Variants in CLDN1 observed in about 807,000 individuals in gnomAD.
The protein encoded by CLDN1 is claudin 1.
CLDN1 carries 12 observed loss-of-function variants against 22.6 expected under a neutral mutation model. The ratio of observed to expected loss-of-function variants is 0.53; its 90% CI spans 0.34 to 0.86. The LOEUF (loss-of-function observed/expected upper bound fraction) is 0.86, where lower values mean the gene tolerates loss of function less well. Ranked by LOEUF, CLDN1 falls within the 40% of genes least tolerant of loss-of-function variation. The pLI is 0.02. For synonymous variants in CLDN1, 99 were observed against 103.8 expected, an observed-to-expected ratio of 0.95 and a Z score of 0.28; for missense variants, 250 against 269.5, an observed-to-expected ratio of 0.93 and a Z score of 0.51.
Position 190,312,185 on chromosome 3 carries a change from C to G in CLDN1, c.388+687G>C, listed in dbSNP as rs548836153. Among the ~76,000 whole-genome samples, 8 of 152,088 alleles carry G rather than the reference C, an allele frequency of 5.3e-5. No homozygotes were observed. In the South Asian group the frequency reaches 1.5e-3, roughly 28 times the overall value. ...ACCTCAGGTGATCCGCCCTCCTCAG[C>G]CTCCAAAAGTGCTGGGATTACAGGC... On this transcript the variant is annotated intron_variant, in intron 2 of 3. Transcript: ENST00000295522.
chr3:190,316,562 T>C lies in CLDN1; in HGVS notation c.224-3526A>G, dbSNP rs116163048. 4.2e-3 allele frequency among the ~76,000 whole-genome samples: 646 copies of C among 152,288 alleles called. 4 individuals carry two copies. Among genetic ancestry groups the C allele is most frequent in the African/African-American group, 0.015 (625 of 41,546 alleles). On this transcript the variant is annotated intron_variant, in intron 1 of 3. Coordinates refer to ENST00000295522, the MANE Select transcript of CLDN1 (RefSeq NM_021101.5). ...GTTTTATGTGCAGATCAAATCTAAA[T>C]TGCACAGTTTTAAGCCGGAAACAGA...
At position 190,310,185 on chromosome 3, in the gene CLDN1, T is replaced by A; in HGVS notation, c.457A>T (p.Thr153Ser). ...RIVQEFYDPMTPVNARYEFGQ... is the reference protein window; with the variant it reads ...RIVQEFYDPMSPVNARYEFGQ... Reference sequence around the variant, plus strand: ...TAGCGTTACCTGGCATTGACTGGGGTCATAGGGTCATAGAATTCTTGAACG... The same window carrying A: ...TAGCGTTACCTGGCATTGACTGGGGACATAGGGTCATAGAATTCTTGAACG... The change falls in exon 3 of 4, where the codon ACC (threonine) becomes TCC (serine). Residue 153 changes from threonine to serine, a missense_variant. Physicochemically the swap from Thr to Ser is moderately conservative, Grantham distance 58. Transcript: ENST00000295522. 1 of 1,613,730 alleles carries A rather than the reference T, an allele frequency of 6.2e-7. No homozygotes were observed. Among genetic ancestry groups the A allele is most frequent in the Non-Finnish European group, 8.5e-7 (1 of 1,179,698 alleles).
chr3:190,322,336 G>T lies in CLDN1; in HGVS notation c.-130C>A, dbSNP rs549996028. 1.2e-6 allele frequency: 1 copy of T among 831,782 alleles called. No individual in the cohort carries two copies. The highest frequency in any genetic ancestry group is 2.0e-6 in the Non-Finnish European group (1 of 510,364). The allele number at this position is 831,782 out of a possible 1,614,324, so 51.5% of individuals were successfully genotyped here. A position where few individuals can be genotyped will look rare whatever the true frequency, so the allele number is the denominator to read the frequency against. On this transcript the variant is annotated 5_prime_UTR_variant, in exon 1 of 4. Coordinates refer to ENST00000295522, the MANE Select transcript of CLDN1 (RefSeq NM_021101.5). ...GAAGTTAAGGCGGGGAGCCCTGCTC[G>T]CTGCGCCGCCGCTGGAGAAGCTCTG...
rs757271518 is a variant in CLDN1, at chr3:190,312,905, C to T, written c.355G>A (p.Ala119Thr). Residue 119 changes from alanine (A) to threonine (T), a missense_variant, in exon 2 of 4, where the codon GCT becomes ACT. Ala to Thr is a moderately conservative substitution (Grantham distance 58, BLOSUM62 0). Transcript: ENST00000295522. Reference protein sequence around the residue: ...EDDEVQKMRMAVIGGAIFLLA... With the variant: ...EDDEVQKMRMTVIGGAIFLLA... The stretch of plus-strand genomic sequence containing the variant: ...AGAAATATCGCACCCCCAATGACAG[C>T]CATCCTCATCTTCTGCACCTCATCG... 1 of 1,614,176 alleles carries T rather than the reference C, an allele frequency of 6.2e-7. No homozygotes were observed. Among genetic ancestry groups the T allele is most frequent in the Admixed American group, 1.7e-5 (1 of 60,030 alleles).
At chr3:190,315,691 C>T (rs1487654449) in intron 1 of CLDN1, among the ~76,000 whole-genome samples, 4 of 152,024 alleles carry the variant, frequency 2.6e-5, no homozygotes, top group Non-Finnish European at 5.9e-5. Flanking sequence ...GATCTTGCTC[C>T]AAGTTTTTCT....
Position 190,322,173 on chromosome 3 carries a change from T to G in CLDN1, c.34A>C (p.Ile12Leu). 1 of 1,614,058 alleles carries G rather than the reference T, an allele frequency of 6.2e-7. No homozygotes were observed. The highest frequency in any genetic ancestry group is 8.5e-7 in the Non-Finnish European group (1 of 1,180,042). Residue 12 changes from isoleucine (I) to leucine (L), a missense_variant, in exon 1 of 4, where the codon ATT (isoleucine) becomes CTT (leucine). Coordinates refer to ENST00000295522, the MANE Select transcript of CLDN1 (RefSeq NM_021101.5). ...ANAGLQLLGF[I>L]LAFLGWIGAI... ...CCGATCCATCCCAGGAAGGCGAGAA[T>G]GAAGCCCAACAGCTGCAGCCCCGCG...
Position 190,322,220 on chromosome 3 carries a change from G to T in CLDN1, c.-14C>A. 1.9e-6 allele frequency: 3 copies of T among 1,611,790 alleles called. No individual in the cohort carries two copies. Among genetic ancestry groups the T allele is most frequent in the Non-Finnish European group, 2.5e-6 (3 of 1,179,048 alleles). On this transcript the variant is annotated 5_prime_UTR_variant, in exon 1 of 4. Transcript: ENST00000295522. ...CGCGTTGGCCATGACTCGCTCGGGC[G>T]CCCGCGCTGGCTCAGGGGTGGCAGG... is the stretch of plus-strand genomic sequence containing the variant.
Position 190,306,272 on chromosome 3 carries a change from C to G in CLDN1, c.*2005G>C, listed in dbSNP as rs1716449005. 6.6e-6 allele frequency: 1 copy of G among 152,186 alleles called. No homozygotes were observed. The highest frequency in any genetic ancestry group is 2.1e-4 in the South Asian group (1 of 4,834). The allele number at this position is 152,186 out of a possible 1,614,324, so 9.4% of individuals were successfully genotyped here. A position where few individuals can be genotyped will look rare whatever the true frequency, so the allele number is the denominator to read the frequency against. On this transcript the variant is annotated 3_prime_UTR_variant, in exon 4 of 4. Transcript: ENST00000295522. ...CTGTTTAGCCACAGAAAGCATCGGG[C>G]CATACTCACTGCAGAAGATAAGACT...
intron 3 of CLDN1, among the ~76,000 whole-genome samples, chr3:190,309,566 G>C (rs1452609689): frequency 6.6e-6 from 1 of 152,176 alleles, no homozygotes; most frequent in East Asian, 1.9e-4. Context: ...ATTAAAGAAT[G>C]TTGTTACACG....
rs1716445714 is a variant in CLDN1, at chr3:190,306,194, T to G, written c.*2083A>C. On this transcript the variant is annotated 3_prime_UTR_variant, in exon 4 of 4. Transcript: ENST00000295522. The stretch of plus-strand genomic sequence containing the variant: ...TATGAGTTATTATGATTCAAAAATC[T>G]CCCTTGCTGTTGGATTTACCAACAC... 6.6e-6 allele frequency: 1 copy of G among 152,204 alleles called. No individual in the cohort carries two copies. The highest frequency in any genetic ancestry group is 1.5e-5 in the Non-Finnish European group (1 of 68,032). 9.4% of individuals were successfully genotyped at this position (152,204 alleles called of 1,614,324 possible).
Position 190,310,175 on chromosome 3 carries a change from T to G in CLDN1, c.467A>C (p.Asn156Thr). 6.2e-7 allele frequency: 1 copy of G among 1,613,538 alleles called. No homozygotes were observed. Among genetic ancestry groups the G allele is most frequent in the Non-Finnish European group, 8.5e-7 (1 of 1,179,520 alleles). ...TACGCCTGAATAGCGTTACCTGGCA[T>G]TGACTGGGGTCATAGGGTCATAGAA... ...QEFYDPMTPV[N>T]ARYEFGQALF... Residue 156 changes from asparagine (N) to threonine (T), a missense_variant, in exon 3 of 4, where the codon AAT becomes ACT. Transcript: ENST00000295522.
In CLDN1 at chr3:190,322,282, A is replaced by C; in HGVS notation, c.-76T>G. On this transcript the variant is annotated 5_prime_UTR_variant, in exon 1 of 4. Coordinates refer to ENST00000295522, the MANE Select transcript of CLDN1 (RefSeq NM_021101.5). ...GAGAGTTTGCAGGTGGGCAACCCGG[A>C]CTCCCGAAGGTGGCTGGGCCCCGCG... 2 of 1,328,388 alleles carry C rather than the reference A, an allele frequency of 1.5e-6. No individual in the cohort carries two copies. The highest frequency in any genetic ancestry group is 2.4e-5 in the East Asian group (1 of 41,772). The allele number at this position is 1,328,388 out of a possible 1,614,324, so 82.3% of individuals were successfully genotyped here.
At chr3:190,314,359 A>G (rs909281268) in intron 1 of CLDN1, among the ~76,000 whole-genome samples, 4 of 152,160 alleles carry the variant, frequency 2.6e-5, no homozygotes, top group South Asian at 2.1e-4. Flanking sequence ...TGTCTTTGCT[A>G]TAACCAGGCA....
At chr3:190,313,274 C>G (rs1489375975) in intron 1 of CLDN1, 6 of 513,742 alleles carry the variant, frequency 1.2e-5, no homozygotes, top group Non-Finnish European at 2.1e-5. Context: ...TTTTATGTTT[C>G]CAACATTAAA....
Position 190,305,840 on chromosome 3 carries a change from AT to A in CLDN1, c.*2436del, listed in dbSNP as rs1716435668. On this transcript the variant is annotated 3_prime_UTR_variant, in exon 4 of 4. Transcript: ENST00000295522. ...ATATAAAAAGATCAAAATTGGATAA[AT>A]TCTATTGTAACAATTTCGTTGGTCA... is the stretch of plus-strand genomic sequence containing the variant. 6.6e-6 allele frequency: 1 copy of A among 152,192 alleles called. No homozygotes were observed. The highest frequency in any genetic ancestry group is 6.5e-5 in the Admixed American group (1 of 15,272). The allele number at this position is 152,192 out of a possible 1,614,324, so 9.4% of individuals were successfully genotyped here. A position where few individuals can be genotyped will look rare whatever the true frequency, so the allele number is the denominator to read the frequency against.
At position 190,322,099 on chromosome 3, in the gene CLDN1, G is replaced by A. The variant is rs72466472; in HGVS notation, c.108C>T (p.Ala36=). 0.036 allele frequency: 57,434 copies of A among 1,614,160 alleles called. 1,282 individuals carry two copies. Among genetic ancestry groups the A allele is most frequent in the South Asian group, 0.08 (7,260 of 91,088 alleles). The change falls in exon 1 of 4, where the codon GCC becomes GCT. Residue 36 remains alanine, a synonymous_variant. Coordinates refer to ENST00000295522, the MANE Select transcript of CLDN1 (RefSeq NM_021101.5). ...ALPQWRIYSY[A]GDNIVTAQAM... is the part of the protein sequence containing the mutation. ...CCTGGGCGGTCACGATGTTGTCGCC[G>A]GCATAGGAGTAAATCCTCCACTGGG...
intron 1 of CLDN1, among the ~76,000 whole-genome samples, chr3:190,317,353 A>G (rs564620719): frequency 1.3e-5 from 2 of 152,320 alleles, no homozygotes; most frequent in South Asian, 4.1e-4. Context: ...CTAGACTGAC[A>G]ATCTTGAGAT....
intron 1 of CLDN1, among the ~76,000 whole-genome samples, chr3:190,321,303 C>T (rs1716915384): frequency 6.6e-6 from 1 of 152,170 alleles, no homozygotes; most frequent in African/African-American, 2.4e-5. Context: ...CAAGATAGCA[C>T]TACACCGTCA....
At chr3:190,312,072 A>G (rs1423270357) in intron 2 of CLDN1, among the ~76,000 whole-genome samples, 1 of 151,540 alleles carries the variant, frequency 6.6e-6, no homozygotes, top group Non-Finnish European at 1.5e-5. Flanking sequence ...ATGGGATTAC[A>G]GGCGTGCACC....
Sources: allele counts gnomAD v4.1 joint callset (sites outside exome capture counted in the v4.1 genomes callset), GRCh38; gene constraint gnomAD v4.1.1; transcripts MANE v1.5; gene names NCBI Gene and HGNC (gene_info 2026-07-23, HGNC 2026-07-21).